Variants in USP36 observed in about 807,000 individuals in gnomAD.
The protein encoded by USP36 is ubiquitin carboxyl-terminal hydrolase 36.
In USP36, 59 loss-of-function variants were observed where a neutral mutation model predicts 111.5. The observed-to-expected ratio is 0.53, with a 90% CI of 0.43 to 0.66. The LOEUF (loss-of-function observed/expected upper bound fraction) is 0.66, where lower values mean the gene tolerates loss of function less well. USP36 is among the 30% of genes least tolerant of loss of function. The probability of loss-of-function intolerance (pLI) is 0.00; values close to 1 mark genes in which losing one functional copy is unlikely to be tolerated. For synonymous variants in USP36, 628 were observed against 581.0 expected (o/e 1.08, Z -1.16); for missense variants, 1,488 against 1,468.0 (o/e 1.01, Z -0.22).
intron 10 of USP36, 90 bp from the exon 11 acceptor site, chr17:78,814,642 C>A: frequency 6.7e-7 from 1 of 1,486,052 alleles, no homozygotes; most frequent in Non-Finnish European, 9.1e-7. Context: ...CACAAAATGC[C>A]CAGCTTGTCT....
intron 6 of USP36, 123 bp downstream of exon 6, chr17:78,827,122 C>T (rs1172071253): frequency 1.3e-5 from 15 of 1,121,112 alleles, no homozygotes; most frequent in South Asian, 5.3e-5. Flanking sequence ...AATTCTGCCA[C>T]GTCTACCCAA....
chr17:78,833,160 C>A (rs1201510966), intron 4 of USP36, among the ~76,000 whole-genome samples: 1 of 152,068 alleles, frequency 6.6e-6, no homozygotes, highest in East Asian at 1.9e-4. Context: ...AAAAACGCCC[C>A]CAAACAATGT....
intron 7 of USP36, chr17:78,821,408 ATATATATATATATTTTTTT>A (rs2094322204): frequency 3.3e-5 from 2 of 60,280 alleles, no homozygotes; most frequent in African/African-American, 1.9e-4. Flanking sequence ...ATATATATAT[ATATATATATATATTTTTTT>A]TTTTTTTTTT....
Position 78,818,440 on chromosome 17 carries a change from A to G in USP36, c.1023+227T>C, listed in dbSNP as rs539767751. 7.9e-5 allele frequency among the ~76,000 whole-genome samples: 12 copies of G among 152,344 alleles called. No homozygotes were observed. The South Asian group carries it at 2.5e-3, about 32-fold the overall frequency. ...CACTGGGATAAACCCAGAAACGTCT[A>G]TTTTTAAAAGGCGTCCCAGGTTGCT... On this transcript the variant is annotated intron_variant, in intron 10 of 20. Coordinates refer to ENST00000449938, the MANE Select transcript of USP36 (RefSeq NM_001385174.1).
intron 18 of USP36, 74 bp from the exon 19 acceptor site, chr17:78,799,097 T>C: frequency 7.2e-7 from 1 of 1,391,864 alleles, no homozygotes; most frequent in East Asian, 2.3e-5. Context: ...AAGAGTGTCA[T>C]TTACCAACTA....
At chr17:78,841,258 C>A (rs1051254008), upstream of USP36, 8 of 152,352 alleles carry the variant, frequency 5.3e-5, no homozygotes, top group African/African-American at 1.9e-4. Flanking sequence ...TGGGCTCCCC[C>A]ACCTGCCCCT....
At chr17:78,804,321 C>T (rs1333012287) in intron 15 of USP36, among the ~76,000 whole-genome samples, 2 of 151,756 alleles carry the variant, frequency 1.3e-5, no homozygotes, top group South Asian at 2.1e-4. Context: ...ATTAGCCGGG[C>T]GTGGTGGCAC....
intron 4 of USP36, among the ~76,000 whole-genome samples, chr17:78,833,167 A>ATG (rs1241125647): frequency 6.6e-6 from 1 of 152,118 alleles, no homozygotes; most frequent in Non-Finnish European, 1.5e-5. Context: ...CCCCCAAACA[A>ATG]TGTGCTGCTT....
At chr17:78,827,204 G>A (rs1469913517) in intron 6 of USP36, 41 bp downstream of exon 6, 6 of 1,565,014 alleles carry the variant, frequency 3.8e-6, no homozygotes, top group Non-Finnish European at 5.2e-6. Flanking sequence ...ATGTAGAAAA[G>A]GTGTCCAAAG....
intron 17 of USP36, among the ~76,000 whole-genome samples, chr17:78,802,073 C>G (rs2306527): frequency 1.4e-5 from 2 of 147,820 alleles, no homozygotes; most frequent in Admixed American, 6.7e-5. Flanking sequence ...CCCCCTCACC[C>G]GGTGCACACC....
chr17:78,807,601 G>T lies in USP36; in HGVS notation c.1443C>A (p.Thr481=). The T allele has an allele frequency of 6.4e-7, 1 of 1,551,328 alleles. No individual in the cohort carries two copies. Among genetic ancestry groups the T allele is most frequent in the Non-Finnish European group, 8.7e-7 (1 of 1,149,746 alleles). ...QDSGTMKKPH[T]TEEIGVPISR... ...ATATGGGCACACCAATCTCTTCAGT[G>T]GTGTGCGGCTTCTTCATCGTCCCAG... Residue 481 remains threonine, a synonymous_variant, in exon 14 of 21, where the codon ACC becomes ACA. Transcript: ENST00000449938.
intron 2 of USP36, among the ~76,000 whole-genome samples, chr17:78,837,094 T>C (rs958639479): frequency 5.9e-5 from 9 of 152,216 alleles, no homozygotes; most frequent in African/African-American, 1.9e-4. Flanking sequence ...TAATATTTTA[T>C]ATATATTGAG....
chr17:78,822,638 G>A (rs950016370), intron 6 of USP36, among the ~76,000 whole-genome samples: 3 of 152,206 alleles, frequency 2.0e-5, no homozygotes, highest in African/African-American at 4.8e-5. Context: ...GAGCTCTGGG[G>A]CCTCTTCTCA....
intron 15 of USP36, 145 bp downstream of exon 15, chr17:78,806,007 GGTCA>G: frequency 7.5e-7 from 1 of 1,341,744 alleles, no homozygotes. Flanking sequence ...GGGGGATCTT[GGTCA>G]GTGACGCCCC....
downstream of USP36, among the ~76,000 whole-genome samples, chr17:78,793,121 T>C (rs1023892971): frequency 1.3e-5 from 2 of 152,010 alleles, no homozygotes; most frequent in African/African-American, 4.8e-5. Context: ...GTGCTCCTGC[T>C]GCCCTATGAG....
At chr17:78,820,117 G>T in intron 8 of USP36, 105 bp from the exon 9 acceptor site, 1 of 1,198,098 alleles carries the variant, frequency 8.3e-7, no homozygotes. Context: ...GCAAATCACA[G>T]AACTTAGACT....
chr17:78,821,420 A>ATTTTTTTT (rs1187233966), intron 7 of USP36: 3 of 34,560 alleles, frequency 8.7e-5, no homozygotes, highest in African/African-American at 4.8e-4. Context: ...ATATATATAT[A>ATTTTTTTT]TTTTTTTTTT....
chr17:78,820,966 A>T, intron 8 of USP36, 25 bp downstream of exon 8: 2 of 1,600,938 alleles, frequency 1.2e-6, no homozygotes. Flanking sequence ...CTACTGCAAA[A>T]GTGAAGGGCA....
At chr17:78,816,008 C>G (rs1360833849) in intron 10 of USP36, among the ~76,000 whole-genome samples, 2 of 152,140 alleles carry the variant, frequency 1.3e-5, no homozygotes, top group African/African-American at 4.8e-5. Context: ...TACATACATG[C>G]ACACACATAT....
Sources: allele counts gnomAD v4.1 joint callset (sites outside exome capture counted in the v4.1 genomes callset), GRCh38; gene constraint gnomAD v4.1.1; transcripts MANE v1.5; gene names NCBI Gene and HGNC (gene_info 2026-07-23, HGNC 2026-07-21).